Variants in ROR1 observed in about 807,000 individuals in gnomAD.
The protein encoded by ROR1 is inactive tyrosine-protein kinase transmembrane receptor ROR1.
A neutral mutation model predicts 78.8 loss-of-function variants in ROR1; 19 were observed. That is an observed-to-expected ratio of 0.24 (90% CI 0.17 to 0.35). ROR1 has a LOEUF of 0.35. Ranked by LOEUF, ROR1 falls within the 10% of genes least tolerant of loss-of-function variation. The pLI, the probability that ROR1 is intolerant of heterozygous loss-of-function variation, is 1.00. For missense variants in ROR1, 917 were observed against 1,177.8 expected (o/e 0.78, Z 3.24); for synonymous variants, 386 against 433.6 (o/e 0.89, Z 1.36).
At chr1:63,910,348 C>T (rs1645561153) in intron 1 of ROR1, among the ~76,000 whole-genome samples, 2 of 152,134 alleles carry the variant, frequency 1.3e-5, no homozygotes, top group South Asian at 4.1e-4. Flanking sequence ...GGACATTGTT[C>T]AGGCAGAGCT....
chr1:64,090,188 C>T (rs2100642977), intron 4 of ROR1, among the ~76,000 whole-genome samples: 1 of 152,260 alleles, frequency 6.6e-6, no homozygotes, highest in East Asian at 1.9e-4. Context: ...AGAGAAAAAG[C>T]CTATTGTCTT....
At position 63,993,402 on chromosome 1, in the gene ROR1, C is replaced by T. The variant is rs112753932; in HGVS notation, c.92-15903C>T. On this transcript the variant is annotated intron_variant, in intron 1 of 8. Transcript: ENST00000371079. ...GCAAAAAGATGTACAGTAAAACATCCTGCTTGCCCCTGACTTGAAACCACC... is the reference window on the plus strand; with the variant it reads ...GCAAAAAGATGTACAGTAAAACATCTTGCTTGCCCCTGACTTGAAACCACC... Among the ~76,000 whole-genome samples, 1,028 of 152,264 alleles carry T rather than the reference C, an allele frequency of 6.8e-3. 10 individuals carry two copies. The highest frequency in any genetic ancestry group is 0.023 in the African/African-American group (970 of 41,552).
chr1:63,896,062 A>T (rs1469908343), intron 1 of ROR1, among the ~76,000 whole-genome samples: 1 of 152,048 alleles, frequency 6.6e-6, no homozygotes, highest in African/African-American at 2.4e-5. Context: ...GCCCTAGATG[A>T]GTGGCTAACC....
chr1:64,171,836 C>T (rs1650252199), intron 8 of ROR1, among the ~76,000 whole-genome samples: 1 of 152,132 alleles, frequency 6.6e-6, no homozygotes, highest in Admixed American at 6.5e-5. Flanking sequence ...ATGTTCAAGG[C>T]AAAAAGTGAC....
At chr1:63,834,162 G>A (rs183873236) in intron 1 of ROR1, among the ~76,000 whole-genome samples, 1 of 151,740 alleles carries the variant, frequency 6.6e-6, no homozygotes, top group Non-Finnish European at 1.5e-5. Flanking sequence ...AGACCCTCTC[G>A]GTGGAGCTGA....
chr1:64,090,293 G>GA (rs1330001879), intron 4 of ROR1, among the ~76,000 whole-genome samples: 1 of 152,008 alleles, frequency 6.6e-6, no homozygotes, highest in Non-Finnish European at 1.5e-5. Context: ...CAGGCCTTGG[G>GA]AAAAAAACAT....
intron 4 of ROR1, among the ~76,000 whole-genome samples, chr1:64,129,782 T>C (rs1203392125): frequency 6.6e-6 from 1 of 152,202 alleles, no homozygotes; most frequent in East Asian, 1.9e-4. Context: ...GAATAAAATA[T>C]ATTACACACA....
chr1:63,810,352 C>T (rs887542591), intron 1 of ROR1, among the ~76,000 whole-genome samples: 3 of 152,150 alleles, frequency 2.0e-5, no homozygotes, highest in Non-Finnish European at 4.4e-5. Context: ...CCCTGAATCT[C>T]TTATGTGCAT....
chr1:63,843,627 T>C, intron 1 of ROR1: 4 of 630,258 alleles, frequency 6.3e-6, no homozygotes, highest in South Asian at 5.5e-5. Flanking sequence ...TGAAGACTTA[T>C]GCAACTTCAT....
Position 64,009,389 on chromosome 1 carries a change from G to C in ROR1, c.163+13G>C, listed in dbSNP as rs778693517. The C allele has an allele frequency of 6.3e-7, 1 of 1,598,862 alleles. No individual in the cohort carries two copies. Among genetic ancestry groups the C allele is most frequent in the South Asian group, 1.1e-5 (1 of 90,716 alleles). ...GAACTCAACAAAGGTACACAGTGGGGGCACACAGGGGAGGCGAGGAAAGAG... is the reference window on the plus strand; with the variant it reads ...GAACTCAACAAAGGTACACAGTGGGCGCACACAGGGGAGGCGAGGAAAGAG... On this transcript the variant is annotated intron_variant, in intron 2 of 8. Transcript: ENST00000371079.
intron 1 of ROR1, among the ~76,000 whole-genome samples, chr1:63,858,694 C>T (rs1259946485): frequency 6.6e-6 from 1 of 152,074 alleles, no homozygotes; most frequent in East Asian, 1.9e-4. Flanking sequence ...TTCCCTGACC[C>T]CTAGTGCCTC....
rs781123687 is a variant in ROR1, at chr1:64,137,355, A to G, written c.483-14A>G. ...GTGGTGCATCAGCTAATGTCTGTCT[A>G]TGCTTTCTTTCAGAGATGAGTATGA... is the stretch of plus-strand genomic sequence containing the variant. On this transcript the variant is annotated splice_polypyrimidine_tract_variant and intron_variant, in intron 4 of 8. Coordinates refer to ENST00000371079, the MANE Select transcript of ROR1 (RefSeq NM_005012.4). 1.2e-6 allele frequency: 2 copies of G among 1,613,556 alleles called. No individual in the cohort carries two copies. The highest frequency in any genetic ancestry group is 1.7e-6 in the Non-Finnish European group (2 of 1,179,758).
chr1:64,134,751 T>C (rs954381629), intron 4 of ROR1, among the ~76,000 whole-genome samples: 1 of 92,634 alleles, frequency 1.1e-5, no homozygotes, highest in Admixed American at 9.4e-5. Flanking sequence ...TTTCATTCTT[T>C]TTTTTTTTTT....
At chr1:63,896,578 A>C (rs115221432) in intron 1 of ROR1, among the ~76,000 whole-genome samples, 3,515 of 152,276 alleles carry the variant, frequency 0.023, 79 homozygotes, top group African/African-American at 0.054. Flanking sequence ...TCTGTTTCTC[A>C]ATAATGTAAT....
At chr1:63,929,124 C>A (rs370852098) in intron 1 of ROR1, among the ~76,000 whole-genome samples, 1 of 152,246 alleles carries the variant, frequency 6.6e-6, no homozygotes, top group Non-Finnish European at 1.5e-5. Flanking sequence ...ACTCCACAAT[C>A]CGCTTTGCTG....
intron 4 of ROR1, among the ~76,000 whole-genome samples, chr1:64,125,833 G>A (rs1294941465): frequency 1.3e-5 from 2 of 152,164 alleles, no homozygotes; most frequent in African/African-American, 2.4e-5. Context: ...GAAACATAGA[G>A]TGCGCTTTTA....
At chr1:63,786,347 A>G (rs887504558) in intron 1 of ROR1, among the ~76,000 whole-genome samples, 2 of 129,158 alleles carry the variant, frequency 1.5e-5, no homozygotes, top group African/African-American at 5.8e-5. Flanking sequence ...ATCTCTGCTC[A>G]CTGCAAGCTC....
rs546734844 is a variant in ROR1 at position 64,070,581 on chromosome 1, A to C, written c.482+19865A>C. ...ACCATCCTCGCACCTCAGCCTCCCAAAGTGCTGGGATTATAGGTGTGAGCC... is the reference window on the plus strand; with the variant it reads ...ACCATCCTCGCACCTCAGCCTCCCACAGTGCTGGGATTATAGGTGTGAGCC... On this transcript the variant is annotated intron_variant, in intron 4 of 8. Transcript: ENST00000371079. 3.9e-5 allele frequency among the ~76,000 whole-genome samples: 6 copies of C among 152,114 alleles called. No individual in the cohort carries two copies. The South Asian group carries it at 8.3e-4, about 21-fold the overall frequency.
intron 1 of ROR1, among the ~76,000 whole-genome samples, chr1:63,782,548 TTTTTTTTTG>T (rs959592716): frequency 2.3e-5 from 3 of 130,700 alleles, no homozygotes; most frequent in African/African-American, 1.1e-4. Context: ...TTTGAGGTTT[TTTTTTTTTG>T]TTTTTTTTTT....
Sources: gnomAD v4.1 joint callset for allele counts (sites outside exome capture counted in the v4.1 genomes callset) on GRCh38, gnomAD v4.1.1 for gene constraint, MANE v1.5 for transcripts, NCBI Gene and HGNC (gene_info 2026-07-23, HGNC 2026-07-21) for gene names.